ATP6V1E1: variants seen among roughly 807,000 people sequenced by gnomAD.
ATP6V1E1 encodes V-type proton ATPase subunit E 1.
A neutral mutation model predicts 35.2 loss-of-function variants in ATP6V1E1; 21 were observed. The ratio of observed to expected loss-of-function variants is 0.60; its 90% confidence interval spans 0.42 to 0.86. The LOEUF (loss-of-function observed/expected upper bound fraction) is 0.86, where lower values mean the gene tolerates loss of function less well. Ranked by LOEUF, ATP6V1E1 falls within the 40% of genes least tolerant of loss-of-function variation. The pLI is 0.00. For missense variants in ATP6V1E1, 183 were observed against 272.6 expected (o/e 0.67, Z 2.32); for synonymous variants, 83 against 87.8 (o/e 0.95, Z 0.30).
intron 7 of ATP6V1E1, among the ~76,000 whole-genome samples, chr22:17,597,483 C>A (rs941164302): frequency 6.6e-6 from 1 of 151,960 alleles, no homozygotes; most frequent in East Asian, 1.9e-4. Flanking sequence ...TCTAAGGAAC[C>A]TAACTACCAG....
intron 2 of ATP6V1E1, among the ~76,000 whole-genome samples, chr22:17,615,449 G>A (rs552989337): frequency 7.4e-4 from 111 of 150,898 alleles, no homozygotes; most frequent in African/African-American, 2.6e-3. Flanking sequence ...GTTCCAAGAC[G>A]AGCCTGGCCA....
Position 17,600,841 on chromosome 22 carries a change from T to C in ATP6V1E1, c.366+251A>G, listed in dbSNP as rs2057758408. ...GCAAGCAAATTTGACCCTTAAGTCA[T>C]GTAAGACTACATAATTGAGTAGTAG... On this transcript the variant is annotated intron_variant, in intron 5 of 8. Transcript: ENST00000253413. The C allele has an allele frequency of 1.4e-5, 4 of 288,342 alleles. No individual in the cohort carries two copies. The East Asian group carries it at 1.9e-4, about 14-fold the overall frequency. The allele number at this position is 288,342 out of a possible 1,614,324, so 17.9% of individuals were successfully genotyped here. A position where few individuals can be genotyped will look rare whatever the true frequency, so the allele number is the denominator to read the frequency against.
At chr22:17,627,135 G>A (rs965516029) in intron 1 of ATP6V1E1, among the ~76,000 whole-genome samples, 1 of 151,716 alleles carries the variant, frequency 6.6e-6, no homozygotes, top group South Asian at 2.1e-4. Flanking sequence ...GACTACAGGC[G>A]CACCCCACTA....
intron 4 of ATP6V1E1, among the ~76,000 whole-genome samples, chr22:17,604,942 G>A (rs935766062): frequency 6.6e-6 from 1 of 152,020 alleles, no homozygotes; most frequent in African/African-American, 2.4e-5. Context: ...TTGGCTGGGT[G>A]CGGTTGCTCA....
intron 1 of ATP6V1E1, among the ~76,000 whole-genome samples, chr22:17,626,764 A>G (rs552993960): frequency 6.6e-6 from 1 of 152,298 alleles, no homozygotes; most frequent in African/African-American, 2.4e-5. Flanking sequence ...TCCTGACCGC[A>G]GGTGATATGC....
intron 1 of ATP6V1E1, among the ~76,000 whole-genome samples, chr22:17,621,178 T>C (rs1049850759): frequency 6.6e-6 from 1 of 152,068 alleles, no homozygotes; most frequent in Non-Finnish European, 1.5e-5. Context: ...AAATTTGTCT[T>C]CCTGCCGCTA....
chr22:17,600,189 C>T, intron 5 of ATP6V1E1, 94 bp from the exon 6 acceptor site: 1 of 1,145,984 alleles, frequency 8.7e-7, no homozygotes, highest in Non-Finnish European at 1.3e-6. Context: ...AATCCTAACA[C>T]TTTGGAAGGC....
intron 4 of ATP6V1E1, among the ~76,000 whole-genome samples, chr22:17,604,583 G>A (rs866188358): frequency 1.3e-5 from 2 of 150,082 alleles, no homozygotes; most frequent in Non-Finnish European, 3.0e-5. Context: ...GCAGTGGTAC[G>A]ATCTCGGCTC....
chr22:17,596,889 CA>C (rs2057735019), intron 7 of ATP6V1E1, among the ~76,000 whole-genome samples: 2 of 151,926 alleles, frequency 1.3e-5, no homozygotes, highest in Admixed American at 1.3e-4. Context: ...AGCAAAAGGC[CA>C]AGATAGGACT....
chr22:17,617,370 T>C (rs1027262248), intron 2 of ATP6V1E1, among the ~76,000 whole-genome samples: 1 of 152,172 alleles, frequency 6.6e-6, no homozygotes, highest in Non-Finnish European at 1.5e-5. Context: ...CTCAGCTCAC[T>C]GCAACCTCCA....
intron 4 of ATP6V1E1, among the ~76,000 whole-genome samples, chr22:17,611,223 C>T (rs1448170949): frequency 1.3e-5 from 2 of 152,208 alleles, no homozygotes; most frequent in African/African-American, 2.4e-5. Flanking sequence ...ATTATTGACA[C>T]TTTAGTGAAG....
chr22:17,608,073 CA>C (rs1490910223), intron 4 of ATP6V1E1, among the ~76,000 whole-genome samples: 1 of 152,214 alleles, frequency 6.6e-6, no homozygotes, highest in Non-Finnish European at 1.5e-5. Context: ...TACTTCAAGT[CA>C]TGCTCAAACA....
chr22:17,610,224 G>T (rs939043358), intron 4 of ATP6V1E1, among the ~76,000 whole-genome samples: 3 of 151,808 alleles, frequency 2.0e-5, no homozygotes, highest in African/African-American at 7.3e-5. Flanking sequence ...CGTTAATTAC[G>T]TTTTTTAAAA....
chr22:17,596,985 G>A (rs1005442404), intron 7 of ATP6V1E1, among the ~76,000 whole-genome samples: 1 of 151,960 alleles, frequency 6.6e-6, no homozygotes, highest in Non-Finnish European at 1.5e-5. Flanking sequence ...GCTCACGCCT[G>A]TAATCCCAGC....
chr22:17,617,738 C>T (rs1372788770), intron 2 of ATP6V1E1, among the ~76,000 whole-genome samples: 3 of 152,200 alleles, frequency 2.0e-5, no homozygotes, highest in Non-Finnish European at 4.4e-5. Context: ...CTTCTAAATG[C>T]TGATGGAAGG....
At chr22:17,596,778 A>C (rs1316467777) in intron 7 of ATP6V1E1, among the ~76,000 whole-genome samples, 1 of 152,072 alleles carries the variant, frequency 6.6e-6, no homozygotes, top group Admixed American at 6.6e-5. Context: ...GCATTTTCAC[A>C]TGTACTATCT....
rs2057937384 is a variant in ATP6V1E1, at chr22:17,628,502, G to T, written c.33+101C>A. ...ACTTGGAGCAAGGGACCTTCCTGCG[G>T]CATCTGGGCGGCTCAAGGCCCGCGG... is the stretch of plus-strand genomic sequence containing the variant. On this transcript the variant is annotated intron_variant, in intron 1 of 8. Coordinates refer to ENST00000253413, the MANE Select transcript of ATP6V1E1 (RefSeq NM_001696.4). 5.3e-6 allele frequency: 8 copies of T among 1,503,294 alleles called. No individual in the cohort carries two copies. In the Middle Eastern group the frequency reaches 5.5e-4, roughly 103 times the overall value. The allele number at this position is 1,503,294 out of a possible 1,614,324, so 93.1% of individuals were successfully genotyped here.
chr22:17,620,456 C>T (rs1276494205), intron 1 of ATP6V1E1, among the ~76,000 whole-genome samples: 1 of 151,858 alleles, frequency 6.6e-6, no homozygotes, highest in African/African-American at 2.4e-5. Context: ...GAGCAACCTT[C>T]CCTTCTTTAA....
chr22:17,609,762 C>T (rs2057806123), intron 4 of ATP6V1E1, among the ~76,000 whole-genome samples: 1 of 152,140 alleles, frequency 6.6e-6, no homozygotes, highest in Non-Finnish European at 1.5e-5. Context: ...AGCCACCACG[C>T]CCAGCCCCAC....
Sources: gnomAD v4.1 joint callset for allele counts (sites outside exome capture counted in the v4.1 genomes callset) on GRCh38, gnomAD v4.1.1 for gene constraint, MANE v1.5 for transcripts, NCBI Gene and HGNC (gene_info 2026-07-23, HGNC 2026-07-21) for gene names.